The following NPR3 variants were observed in gnomAD, a reference collection of about 807,000 sequenced individuals.
NPR3 encodes natriuretic peptide receptor 3, also known as atrial natriuretic peptide receptor 3.
Under a neutral mutation model 54.5 loss-of-function variants are expected in NPR3, and 34 were observed. The ratio of observed to expected loss-of-function variants is 0.62; its 90% CI spans 0.47 to 0.83. The LOEUF (loss-of-function observed/expected upper bound fraction) is 0.83, where lower values mean the gene tolerates loss of function less well. NPR3 is among the 40% of genes least tolerant of loss of function. The pLI is 0.00. For missense variants in NPR3, 674 were observed against 720.8 expected (o/e 0.94, Z 0.74); for synonymous variants, 289 against 297.1 (o/e 0.97, Z 0.28).
intron 2 of NPR3, among the ~76,000 whole-genome samples, chr5:32,728,831 G>GTA (rs1378102562): frequency 0.016 from 1,026 of 63,480 alleles, 7 homozygotes; most frequent in Non-Finnish European, 0.019. Flanking sequence ...GTGTGTGTGT[G>GTA]TGTGTGTATA....
rs546136132 is a variant in NPR3, at chr5:32,745,050, G to A, written c.1059+6020G>A. Among the ~76,000 whole-genome samples, 3 of 152,312 alleles carry A rather than the reference G, an allele frequency of 2.0e-5. No homozygotes were observed. In the East Asian group the frequency reaches 5.8e-4, roughly 29 times the overall value. On this transcript the variant is annotated intron_variant, in intron 3 of 7. Coordinates refer to ENST00000265074, the MANE Select transcript of NPR3 (RefSeq NM_001204375.2). ...TTCCTCTACAGTGGTGGAAACTGAG[G>A]CTGAGAAAGGTGGGGTGGCCTTTCC... is the stretch of plus-strand genomic sequence containing the variant.
At chr5:32,713,141 C>T (rs987856763) in intron 1 of NPR3, 1 of 984,174 alleles carries the variant, frequency 1.0e-6, no homozygotes, top group Admixed American at 6.1e-5. Flanking sequence ...AAACGAGCTT[C>T]TGTGGTTTCC....
Position 32,711,700 on chromosome 5 carries a change from G to A in NPR3, c.-77G>A. On this transcript the variant is annotated 5_prime_UTR_variant, in exon 1 of 8. Transcript: ENST00000265074. ...CGCAGGGACCTTGGAGAGAAGAGTG[G>A]GGAGGAAAGAGGAAGGGTGGGTGGG... 1 of 1,384,988 alleles carries A rather than the reference G, an allele frequency of 7.2e-7. No individual in the cohort carries two copies. Among genetic ancestry groups the A allele is most frequent in the Non-Finnish European group, 9.3e-7 (1 of 1,072,304 alleles). 85.8% of individuals were successfully genotyped at this position (1,384,988 alleles called of 1,614,324 possible). A position where few individuals can be genotyped will look rare whatever the true frequency, so the allele number is the denominator to read the frequency against.
intron 2 of NPR3, among the ~76,000 whole-genome samples, chr5:32,732,142 G>T: frequency 6.6e-6 from 1 of 150,608 alleles, no homozygotes; most frequent in Non-Finnish European, 1.5e-5. Flanking sequence ...TCGGGAGGCT[G>T]AGGCAGGAGA....
intron 2 of NPR3, among the ~76,000 whole-genome samples, chr5:32,727,357 G>T (rs1446913766): frequency 6.6e-6 from 1 of 152,098 alleles, no homozygotes; most frequent in Admixed American, 6.5e-5. Flanking sequence ...CGAACTCCTG[G>T]GCTCAAGTGA....
At chr5:32,693,026 A>G (rs1206124075) in intron 1 of NPR3, among the ~76,000 whole-genome samples, 1 of 152,072 alleles carries the variant, frequency 6.6e-6, no homozygotes, top group Admixed American at 6.5e-5. Flanking sequence ...GGAGGCTGAG[A>G]CAGGAGAATC....
At chr5:32,701,100 G>A (rs922599489) in intron 1 of NPR3, among the ~76,000 whole-genome samples, 5 of 152,166 alleles carry the variant, frequency 3.3e-5, no homozygotes, top group East Asian at 1.9e-4. Flanking sequence ...TAACTGGCGC[G>A]AGATGGTATC....
chr5:32,755,937 CA>C (rs1454168766), intron 3 of NPR3, among the ~76,000 whole-genome samples: 1 of 152,170 alleles, frequency 6.6e-6, no homozygotes, highest in Non-Finnish European at 1.5e-5. Context: ...ATGAACTCAT[CA>C]TTTTTTATGG....
At position 32,703,428 on chromosome 5, in the gene NPR3, C is replaced by T. The variant is rs574994731; in HGVS notation, c.100+14242C>T. 3.4e-4 allele frequency among the ~76,000 whole-genome samples: 52 copies of T among 151,600 alleles called. 1 individual carries two copies. The highest frequency in any genetic ancestry group is 1.2e-3 in the African/African-American group (48 of 41,306). ...TTTTCTCAAGCAGAAGGAGTCTCTC[C>T]CAGTAGTCACCATGGCTGGGAATGT... On this transcript the variant is annotated intron_variant, in intron 1 of 5. Coordinates refer to the NPR3 transcript ENST00000509104.
chr5:32,706,241 C>T (rs532137821), upstream of NPR3, among the ~76,000 whole-genome samples: 103 of 152,290 alleles, frequency 6.8e-4, no homozygotes, highest in Non-Finnish European at 7.2e-4. Context: ...CGTCGGAAGC[C>T]GAGCAGATTC....
At chr5:32,783,518 A>G (rs892881779) in intron 6 of NPR3, 2 of 152,540 alleles carry the variant, frequency 1.3e-5, no homozygotes, top group African/African-American at 4.8e-5. Context: ...GGATGTTCTC[A>G]TAAGTAGCTT....
intron 1 of NPR3, among the ~76,000 whole-genome samples, chr5:32,703,934 A>T (rs1737901652): frequency 1.3e-5 from 2 of 152,222 alleles, no homozygotes; most frequent in Admixed American, 1.3e-4. Context: ...ACTTGCCCAC[A>T]AATTGCAGTC....
chr5:32,735,741 A>T (rs1287062565), intron 2 of NPR3, among the ~76,000 whole-genome samples: 1 of 152,150 alleles, frequency 6.6e-6, no homozygotes, highest in African/African-American at 2.4e-5. Flanking sequence ...GTCCCCACTG[A>T]TGGGGCGTCA....
rs980570752 is a variant in NPR3 at position 32,750,961 on chromosome 5, T to C, written c.1059+11931T>C. On this transcript the variant is annotated intron_variant, in intron 3 of 7. Transcript: ENST00000265074. ...TTGTCATCTTGGTATATGAAGACTGTTGATTTTACTTTATGTCTGGAGCTG... is the reference window on the plus strand; with the variant it reads ...TTGTCATCTTGGTATATGAAGACTGCTGATTTTACTTTATGTCTGGAGCTG... 3.5e-4 allele frequency among the ~76,000 whole-genome samples: 54 copies of C among 152,210 alleles called. 1 individual carries two copies. The highest frequency in any genetic ancestry group is 1.3e-3 in the African/African-American group (53 of 41,458).
In NPR3 at chr5:32,731,365, A is replaced by G. The variant is rs552423311; in HGVS notation, c.892+6545A>G. Among the ~76,000 whole-genome samples the G allele has an allele frequency of 1.5e-4, 23 of 152,322 alleles. No individual in the cohort carries two copies. The South Asian group carries it at 4.1e-3, about 27-fold the overall frequency. On this transcript the variant is annotated intron_variant, in intron 2 of 7. Coordinates refer to ENST00000265074, the MANE Select transcript of NPR3 (RefSeq NM_001204375.2). ...GTTTTTCTGCCTGAGAGGCTCTGCC[A>G]TGAACTAGCTGTTAACTCTAAGAGG...
At chr5:32,701,379 T>G (rs1737794304) in intron 1 of NPR3, among the ~76,000 whole-genome samples, 1 of 152,232 alleles carries the variant, frequency 6.6e-6, no homozygotes, top group South Asian at 2.1e-4. Flanking sequence ...ATGTGTTTGT[T>G]GAATTTATCT....
chr5:32,739,567 G>T (rs1014201631), intron 3 of NPR3, among the ~76,000 whole-genome samples: 6 of 152,120 alleles, frequency 3.9e-5, no homozygotes, highest in African/African-American at 7.2e-5. Context: ...ATATTGTAGG[G>T]CTTCACATTC....
intron 3 of NPR3, among the ~76,000 whole-genome samples, chr5:32,759,668 G>A (rs1561116364): frequency 6.6e-6 from 1 of 151,764 alleles, no homozygotes; most frequent in Non-Finnish European, 1.5e-5. Context: ...TGGTTATTTT[G>A]CTCGTTAGTT....
At position 32,724,816 on chromosome 5, in the gene NPR3, C is replaced by T; in HGVS notation, c.888C>T (p.Ser296=). Residue 296 remains serine, a synonymous_variant, in exon 2 of 8, where the codon TCC becomes TCT. Coordinates refer to ENST00000265074, the MANE Select transcript of NPR3 (RefSeq NM_001204375.2). ...ACATTGAGCTCTTCAACAGCTCTTCCTATGGTAACTCTGCTTCCACTTTCC... is the reference window on the plus strand; with the variant it reads ...ACATTGAGCTCTTCAACAGCTCTTCTTATGGTAACTCTGCTTCCACTTTCC... The part of the protein sequence containing the change: ...FFNIELFNSS[S]YGDGSWKRGD... The T allele has an allele frequency of 6.2e-7, 1 of 1,613,858 alleles. No homozygotes were observed. The highest frequency in any genetic ancestry group is 1.6e-4 in the Middle Eastern group (1 of 6,062).
Sources: gnomAD v4.1 joint callset for allele counts (sites outside exome capture counted in the v4.1 genomes callset) on GRCh38, gnomAD v4.1.1 for gene constraint, MANE v1.5 for transcripts, NCBI Gene and HGNC (gene_info 2026-07-23, HGNC 2026-07-21) for gene names.